ASAP1: variants seen among roughly 807,000 people sequenced by gnomAD.
ASAP1 encodes the protein ArfGAP with SH3 domain, ankyrin repeat and PH domain 1.
ASAP1 carries 43 observed loss-of-function variants against 145.2 expected under a neutral mutation model. The observed-to-expected ratio is 0.30, with a 90% confidence interval of 0.23 to 0.38. The LOEUF (loss-of-function observed/expected upper bound fraction) is 0.38, where lower values mean the gene tolerates loss of function less well. ASAP1 is among the 10% of genes least tolerant of loss of function. The pLI, the probability that ASAP1 is intolerant of heterozygous loss-of-function variation, is 1.00. For missense variants in ASAP1, 1,018 were observed against 1,355.3 expected (o/e 0.75, Z 3.91); for synonymous variants, 546 against 515.5 (o/e 1.06, Z -0.80).
At chr8:130,073,667 C>T (rs551398202) in intron 27 of ASAP1, among the ~76,000 whole-genome samples, 19 of 152,282 alleles carry the variant, frequency 1.2e-4, no homozygotes, top group African/African-American at 4.3e-4. Flanking sequence ...CCAAGAGCTG[C>T]AGACGGCCAA....
In ASAP1 at chr8:130,188,124, T is replaced by C; in HGVS notation, c.465A>G (p.Leu155=). 6.2e-7 allele frequency: 1 copy of C among 1,613,478 alleles called. No homozygotes were observed. Among genetic ancestry groups the C allele is most frequent in the Non-Finnish European group, 8.5e-7 (1 of 1,179,518 alleles). ...GAACACTTACTCCTTTGACTCCCTT[T>C]AGGTCTCCTTTTAACAAAGAATCCA... ...FTLDSLLKGD[L]KGVKGDLKKP... The change falls in exon 6 of 30, where the codon CTA becomes CTG. Residue 155 remains leucine (L), a synonymous_variant. Transcript: ENST00000518721.
intron 1 of ASAP1, among the ~76,000 whole-genome samples, chr8:130,440,022 C>A (rs777259302): frequency 6.6e-6 from 1 of 152,184 alleles, no homozygotes; most frequent in African/African-American, 2.4e-5. Context: ...CAAGCCAGAA[C>A]CCCAGGAGTC....
chr8:130,238,817 ATCT>A (rs1366471098), intron 3 of ASAP1, among the ~76,000 whole-genome samples: 2 of 152,048 alleles, frequency 1.3e-5, no homozygotes, highest in East Asian at 3.9e-4. Flanking sequence ...CTACACTTAT[ATCT>A]ACCAAATCCC....
intron 24 of ASAP1, among the ~76,000 whole-genome samples, chr8:130,107,357 T>C (rs1181515970): frequency 6.6e-6 from 1 of 151,672 alleles, no homozygotes. Flanking sequence ...TAATTTTTGT[T>C]TGTATTTTTA....
intron 22 of ASAP1, 151 bp from the exon 23 acceptor site, chr8:130,115,886 A>C (rs2097555023): frequency 6.5e-6 from 4 of 612,082 alleles, no homozygotes; most frequent in Non-Finnish European, 1.2e-5. Context: ...GACAAGCTGC[A>C]CTGCTATGTG....
At chr8:130,441,742 G>T (rs569884834) in intron 1 of ASAP1, among the ~76,000 whole-genome samples, 1 of 152,154 alleles carries the variant, frequency 6.6e-6, no homozygotes, top group Admixed American at 6.5e-5. Context: ...GAGGTGTAGA[G>T]AATTTCAATT....
chr8:130,373,182 GA>G (rs796141516), intron 2 of ASAP1, among the ~76,000 whole-genome samples: 8,033 of 122,558 alleles, frequency 0.066, 741 homozygotes, highest in African/African-American at 0.22. Flanking sequence ...ACAAGAGCCA[GA>G]AAAAAAAAAA....
In ASAP1 at chr8:130,076,345, T is replaced by C; in HGVS notation, c.2701+3A>G. On this transcript the variant is annotated splice_donor_region_variant and intron_variant, in intron 27 of 29. Transcript: ENST00000518721. ...ATGTAAATGTAAAAATGATAGATCT[T>C]ACCTTTCTGAGGTAGTTTAGGAAGA... 1 of 1,608,212 alleles carries C rather than the reference T, an allele frequency of 6.2e-7. No homozygotes were observed. The highest frequency in any genetic ancestry group is 8.5e-7 in the Non-Finnish European group (1 of 1,176,466).
In ASAP1 at chr8:130,060,690, G is replaced by A. The variant is rs1480742314; in HGVS notation, c.3081C>T (p.Ser1027=). The part of the protein sequence containing the change: ...VTLKSHPLDL[S]PNVQSRDAIQ... ...TGGCGTCTCTGGACTGCACATTTGG[G>A]GATAGATCCAATGGGTGTGACTTCA... is the stretch of plus-strand genomic sequence containing the variant. The change falls in exon 28 of 30, where the codon TCC becomes TCT. Residue 1027 remains serine, a synonymous_variant. Coordinates refer to ENST00000518721, the MANE Select transcript of ASAP1 (RefSeq NM_018482.4). 1.2e-6 allele frequency: 2 copies of A among 1,614,132 alleles called. No homozygotes were observed. Among genetic ancestry groups the A allele is most frequent in the Non-Finnish European group, 1.7e-6 (2 of 1,180,032 alleles).
intron 3 of ASAP1, among the ~76,000 whole-genome samples, chr8:130,306,727 A>ATACC (rs1823015399): frequency 6.6e-6 from 1 of 152,216 alleles, no homozygotes; most frequent in Non-Finnish European, 1.5e-5. Flanking sequence ...CTTTAAGTAA[A>ATACC]TACCAATGGA....
chr8:130,214,760 T>C (rs1399402443), intron 4 of ASAP1, 59 bp from the exon 5 acceptor site: 1 of 1,389,718 alleles, frequency 7.2e-7, no homozygotes, highest in Non-Finnish European at 9.8e-7. Flanking sequence ...AATGAAAAGT[T>C]ACTTTGAACA....
chr8:130,078,151 G>A (rs766960218), intron 26 of ASAP1, among the ~76,000 whole-genome samples: 1 of 152,000 alleles, frequency 6.6e-6, no homozygotes, highest in African/African-American at 2.4e-5. Flanking sequence ...CACTATGCCC[G>A]GCTAATTTTT....
intron 2 of ASAP1, among the ~76,000 whole-genome samples, chr8:130,371,373 A>G (rs1190153764): frequency 1.3e-5 from 2 of 152,126 alleles, no homozygotes; most frequent in Non-Finnish European, 2.9e-5. Context: ...TACAAATGGT[A>G]CTCTGCTGAT....
chr8:130,354,139 C>G (rs1826164590), intron 3 of ASAP1, among the ~76,000 whole-genome samples: 1 of 152,128 alleles, frequency 6.6e-6, no homozygotes, highest in Non-Finnish European at 1.5e-5. Context: ...TTCTGCCCAC[C>G]TCGGCCTCCC....
intron 13 of ASAP1, among the ~76,000 whole-genome samples, chr8:130,150,469 GAT>G (rs1191272368): frequency 6.6e-6 from 1 of 152,182 alleles, no homozygotes; most frequent in Non-Finnish European, 1.5e-5. Context: ...AAAGCAAATA[GAT>G]ACAACATGAT....
intron 1 of ASAP1, among the ~76,000 whole-genome samples, chr8:130,443,222 C>CA (rs1830552625): frequency 2.0e-5 from 3 of 150,980 alleles, no homozygotes; most frequent in Admixed American, 1.3e-4. Context: ...ACCTCCCCCC[C>CA]CCACCGGGCG....
intron 13 of ASAP1, among the ~76,000 whole-genome samples, chr8:130,147,604 G>A (rs1003994507): frequency 1.3e-5 from 2 of 152,176 alleles, no homozygotes; most frequent in Admixed American, 6.5e-5. Flanking sequence ...TTTAATTCTC[G>A]TAACATGGAA....
At chr8:130,320,373 T>C (rs1419093914) in intron 3 of ASAP1, among the ~76,000 whole-genome samples, 2 of 152,052 alleles carry the variant, frequency 1.3e-5, no homozygotes, top group Non-Finnish European at 2.9e-5. Context: ...CTGAGCGACA[T>C]GACAAAACCC....
At chr8:130,092,785 C>T (rs1424232805) in intron 24 of ASAP1, among the ~76,000 whole-genome samples, 1 of 152,010 alleles carries the variant, frequency 6.6e-6, no homozygotes, top group Non-Finnish European at 1.5e-5. Flanking sequence ...AAGGAGAAAT[C>T]ACACACCACT....
Sources: gnomAD v4.1 joint callset for allele counts (sites outside exome capture counted in the v4.1 genomes callset) on GRCh38, gnomAD v4.1.1 for gene constraint, MANE v1.5 for transcripts, NCBI Gene and HGNC (gene_info 2026-07-23, HGNC 2026-07-21) for gene names.